The following CUL9 variants were observed in gnomAD, a reference collection of about 807,000 sequenced individuals.
CUL9 encodes the protein cullin 9.
Under a neutral mutation model 272.6 loss-of-function variants are expected in CUL9, and 79 were observed. The ratio of observed to expected loss-of-function variants is 0.29; its 90% confidence interval spans 0.24 to 0.35. The LOEUF (loss-of-function observed/expected upper bound fraction) is 0.35. CUL9 is among the 10% of genes least tolerant of loss of function. The pLI, the probability that CUL9 is intolerant of heterozygous loss-of-function variation, is 1.00. For missense variants in CUL9, 2,532 were observed against 3,255.6 expected (o/e 0.78, Z 5.41); for synonymous variants, 1,186 against 1,286.5 (o/e 0.92, Z 1.67).
rs1388388053 is a variant in CUL9 at position 43,204,517 on chromosome 6, T to C, written c.4317T>C (p.Ser1439=). ...LVHVEPPPGP[S]PEPSTRPFSK... The stretch of plus-strand genomic sequence containing the variant: ...ATGTGGAACCTCCTCCTGGGCCTTC[T>C]CCTGAGCCATCCACTCGGCCCTGTA... Residue 1439 remains serine, a synonymous_variant, in exon 21 of 41, where the codon TCT becomes TCC. Transcript: ENST00000252050. 1.2e-6 allele frequency: 2 copies of C among 1,614,068 alleles called. No individual in the cohort carries two copies. Among genetic ancestry groups the C allele is most frequent in the Non-Finnish European group, 8.5e-7 (1 of 1,180,016 alleles).
chr6:43,204,440 C>A lies in CUL9; in HGVS notation c.4240C>A (p.Arg1414=), dbSNP rs139186823. 730 of 1,614,166 alleles carry A rather than the reference C, an allele frequency of 4.5e-4. 6 individuals are homozygous for A. In the African/African-American group the frequency reaches 8.1e-3, roughly 18 times the overall value. Residue 1414 remains arginine, a synonymous_variant, in exon 21 of 41, where the codon CGA becomes AGA. Transcript: ENST00000252050. ...QRETSRNPLS[R]AASFASRVRR... ...AGAGACCTCTCGGAACCCCTTGAGT[C>A]GAGCAGCGTCCTTTGCTTCTCGAGT...
At chr6:43,198,403 G>A (rs990902740) in intron 11 of CUL9, 1 of 984,124 alleles carries the variant, frequency 1.0e-6, no homozygotes, top group African/African-American at 1.7e-5. Flanking sequence ...GACAGTGTTT[G>A]CTATACTAGG....
chr6:43,209,385 G>A (rs974669765), intron 26 of CUL9, among the ~76,000 whole-genome samples: 12 of 149,700 alleles, frequency 8.0e-5, no homozygotes, highest in Admixed American at 3.3e-4. Flanking sequence ...TCCTGACCTC[G>A]TGATTTGCCT....
Position 43,221,621 on chromosome 6 carries a change from T to C in CUL9, c.6753-64T>C. On this transcript the variant is annotated intron_variant, in intron 34 of 40. Coordinates refer to ENST00000252050, the MANE Select transcript of CUL9 (RefSeq NM_015089.4). The surrounding 1 kb of genome is among the most constrained non-coding windows in gnomAD (Gnocchi z 4.2). ...CATCAACAGCGGTACATCTGGGCCC[T>C]TGGCATTCCTGGCACACCCCTGCCC... 2.0e-6 allele frequency: 3 copies of C among 1,469,384 alleles called. No individual in the cohort carries two copies. The highest frequency in any genetic ancestry group is 2.8e-6 in the Non-Finnish European group (3 of 1,058,052). 91.0% of individuals were successfully genotyped at this position (1,469,384 alleles called of 1,614,324 possible).
Position 43,220,553 on chromosome 6 carries a change from G to A in CUL9, c.6377G>A (p.Gly2126Glu). 1 of 1,614,084 alleles carries A rather than the reference G, an allele frequency of 6.2e-7. No individual in the cohort carries two copies. The highest frequency in any genetic ancestry group is 1.1e-5 in the South Asian group (1 of 91,076). ...GCCGACTGCCCCGCCCAGCCCACCGGAGCCTTCATTCGTGCCATCGTCTCC... is the reference window on the plus strand; with the variant it reads ...GCCGACTGCCCCGCCCAGCCCACCGAAGCCTTCATTCGTGCCATCGTCTCC... ...PIADCPAQPTGAFIRAIVSSP... is the reference protein window; with the variant it reads ...PIADCPAQPTEAFIRAIVSSP... Residue 2126 changes from glycine to glutamate, a missense_variant, in exon 32 of 41, where the codon GGA becomes GAA. Transcript: ENST00000252050. This position sits in a 1 kb window ranked among gnomAD's most constrained non-coding sequence, Gnocchi z 4.9.
At chr6:43,215,381 G>C (rs1270542015) in intron 30 of CUL9, 55 bp downstream of exon 30, 1 of 1,534,028 alleles carries the variant, frequency 6.5e-7, no homozygotes, top group African/African-American at 1.4e-5. Context: ...TCATGCCAAA[G>C]CCAAGATCCC....
At chr6:43,185,706 T>C in intron 3 of CUL9, 96 bp downstream of exon 3, 1 of 1,401,778 alleles carries the variant, frequency 7.1e-7, no homozygotes, top group East Asian at 2.4e-5. Context: ...CAGAGCCACC[T>C]GGGAACTTGT....
Position 43,221,128 on chromosome 6 carries a change from C to T in CUL9, c.6589-30C>T. ...CAGCCATGCTGCCCTCACGGCTCAG[C>T]TGTGTCCCCACCATGCCCTCTTGCC... On this transcript the variant is annotated intron_variant, in intron 33 of 40. Transcript: ENST00000252050. This position sits in a 1 kb window ranked among gnomAD's most constrained non-coding sequence, Gnocchi z 4.2. 6.2e-7 allele frequency: 1 copy of T among 1,606,676 alleles called. No individual in the cohort carries two copies. Among genetic ancestry groups the T allele is most frequent in the Non-Finnish European group, 8.5e-7 (1 of 1,178,170 alleles).
rs200803031 is a variant in CUL9, at chr6:43,203,404, G to T, written c.3850-13G>T. ...AGCGGCTTGGGTGACAGATAAGTCT[G>T]TGCATGTTCCAGGGCGGCATTGACA... On this transcript the variant is annotated splice_polypyrimidine_tract_variant and intron_variant, in intron 18 of 40. Transcript: ENST00000252050. The surrounding 1 kb of genome is among the most constrained non-coding windows in gnomAD (Gnocchi z 5.0). The T allele has an allele frequency of 6.2e-7, 1 of 1,613,496 alleles. No homozygotes were observed. The highest frequency in any genetic ancestry group is 1.3e-5 in the African/African-American group (1 of 74,908).
intron 31 of CUL9, among the ~76,000 whole-genome samples, chr6:43,217,652 T>G (rs964030177): frequency 6.6e-6 from 1 of 152,222 alleles, no homozygotes; most frequent in Non-Finnish European, 1.5e-5. Context: ...TGCATGCGTG[T>G]GTATTCTCTT....
At chr6:43,222,461 G>GGGGGGGGC in intron 36 of CUL9, 70 bp from the exon 37 acceptor site, 1 of 1,343,756 alleles carries the variant, frequency 7.4e-7, no homozygotes, top group Non-Finnish European at 1.1e-6. Context: ...AGGGGGGTGG[G>GGGGGGGGC]CTGAAGGTCT....
intron 16 of CUL9, among the ~76,000 whole-genome samples, chr6:43,201,687 GT>G (rs1774579746): frequency 6.6e-6 from 1 of 152,160 alleles, no homozygotes; most frequent in African/African-American, 2.4e-5. Context: ...CACCGTGTTA[GT>G]CAGGATGGTC....
chr6:43,196,433 G>A, intron 10 of CUL9, 168 bp downstream of exon 10: 1 of 787,556 alleles, frequency 1.3e-6, no homozygotes, highest in Non-Finnish European at 2.0e-6. Flanking sequence ...AGTGGATTGG[G>A]GATAGGGAGA....
rs1773967232 is a variant in CUL9, at chr6:43,196,057, TC to T, written c.2389-7del. 1.2e-6 allele frequency: 2 copies of T among 1,604,340 alleles called. No homozygotes were observed. Among genetic ancestry groups the T allele is most frequent in the Non-Finnish European group, 1.7e-6 (2 of 1,173,136 alleles). ...GCCCCCTCCTCACTCTGCTTTCACA[TC>T]CCCCTCACAGGCACTGAAGATGCTG... is the stretch of plus-strand genomic sequence containing the variant. On this transcript the variant is annotated splice_polypyrimidine_tract_variant and intron_variant, in intron 9 of 40. Coordinates refer to ENST00000252050, the MANE Select transcript of CUL9 (RefSeq NM_015089.4).
intron 29 of CUL9, among the ~76,000 whole-genome samples, chr6:43,214,351 G>A (rs969530541): frequency 9.2e-5 from 14 of 152,058 alleles, no homozygotes; most frequent in Non-Finnish European, 1.8e-4. Flanking sequence ...CCCAGGAGGC[G>A]GAGGTTACAG....
chr6:43,188,431 A>C, intron 7 of CUL9, 92 bp from the exon 8 acceptor site: 2 of 1,248,654 alleles, frequency 1.6e-6, no homozygotes, highest in Middle Eastern at 2.0e-4. Flanking sequence ...ATGTGTTTAA[A>C]TATTGGTAGG....
At position 43,188,029 on chromosome 6, in the gene CUL9, C is replaced by T. The variant is rs776799047; in HGVS notation, c.1898C>T (p.Pro633Leu). The change falls in exon 7 of 41, where the codon CCC becomes CTC. Residue 633 changes from proline (P) to leucine (L), a missense_variant. Physicochemically the swap from Pro to Leu is moderately conservative, Grantham distance 98. This residue lies in a region of CUL9 where 2,218 missense variants were observed against 2,788.6 expected (regional missense o/e 0.80). Transcript: ENST00000252050. ...AEPTKTRTET[P>L]MAQSDSQLFN... The stretch of plus-strand genomic sequence containing the variant: ...CCCACCAAGACAAGGACCGAGACCC[C>T]CATGGCACAGAGTGATTCTCAGCTG... 16 of 1,613,730 alleles carry T rather than the reference C, an allele frequency of 9.9e-6. No individual in the cohort carries two copies. In the Admixed American group the frequency reaches 2.5e-4, roughly 25 times the overall value.
At chr6:43,185,856 G>A (rs1772861150) in intron 3 of CUL9, 99 bp from the exon 4 acceptor site, 2 of 1,441,798 alleles carry the variant, frequency 1.4e-6, no homozygotes, top group South Asian at 2.8e-5. Flanking sequence ...GGCCTGGGGA[G>A]AAGGCCTTTA....
At chr6:43,186,543 C>T in intron 4 of CUL9, 88 bp downstream of exon 4, 2 of 1,496,552 alleles carry the variant, frequency 1.3e-6, no homozygotes. Flanking sequence ...TCCTGCAGGC[C>T]ACCCAAGAAG....
Sources: allele counts gnomAD v4.1 joint callset (sites outside exome capture counted in the v4.1 genomes callset), GRCh38; gene constraint gnomAD v4.1.1; regional missense constraint gnomAD v4.1.1; non-coding constraint Gnocchi (gnomAD v3.1); transcripts MANE v1.5; gene names NCBI Gene and HGNC (gene_info 2026-07-23, HGNC 2026-07-21).